AHI1: variants seen among roughly 807,000 people sequenced by gnomAD.
AHI1 encodes the protein jouberin.
A neutral mutation model predicts 149.3 loss-of-function variants in AHI1; 123 were observed. The ratio of observed to expected loss-of-function variants is 0.82; its 90% confidence interval spans 0.71 to 0.96. AHI1 has a LOEUF of 0.96. Among genes scored for constraint, AHI1 ranks in the 40% least tolerant of loss-of-function variants. The pLI, the probability that AHI1 is intolerant of heterozygous loss-of-function variation, is 0.00. For missense variants in AHI1, 1,439 were observed against 1,422.7 expected (o/e 1.01, Z -0.18); for synonymous variants, 475 against 459.8 (o/e 1.03, Z -0.42).
At chr6:135,330,667 G>T (rs1186244760) in intron 24 of AHI1, among the ~76,000 whole-genome samples, 1 of 152,188 alleles carries the variant, frequency 6.6e-6, no homozygotes, top group Non-Finnish European at 1.5e-5. Flanking sequence ...AATCAGGGTG[G>T]TTTCACATGC....
Position 135,322,082 on chromosome 6 carries a change from C to T in AHI1, c.3328+1080G>A, listed in dbSNP as rs377384623. 2.6e-5 allele frequency among the ~76,000 whole-genome samples: 4 copies of T among 152,180 alleles called. No individual in the cohort carries two copies. In the East Asian group the frequency reaches 5.8e-4, roughly 22 times the overall value. On this transcript the variant is annotated intron_variant, in intron 25 of 28. Coordinates refer to ENST00000265602, the MANE Select transcript of AHI1 (RefSeq NM_001134831.2). ...CCTCCCAAAGTGCTGGGATTACAGG[C>T]GTGAGCCACAGTGCCTGGCCCGCCT...
chr6:135,374,259 C>T, intron 23 of AHI1, among the ~76,000 whole-genome samples: 1 of 150,938 alleles, frequency 6.6e-6, no homozygotes, highest in Non-Finnish European at 1.5e-5. Flanking sequence ...ACTACAGGTG[C>T]CCGCCATCAC....
chr6:135,448,468 C>A lies in AHI1; in HGVS notation c.1448G>T (p.Gly483Val). 1 of 1,488,170 alleles carries A rather than the reference C, an allele frequency of 6.7e-7. No individual in the cohort carries two copies. 92.2% of individuals were successfully genotyped at this position (1,488,170 alleles called of 1,614,324 possible). A position where few individuals can be genotyped will look rare whatever the true frequency, so the allele number is the denominator to read the frequency against. The change falls in exon 12 of 29, where the codon GGA becomes GTA. Residue 483 changes from glycine (G) to valine (V), a missense_variant. Gly to Val is a moderately radical substitution (Grantham distance 109). Transcript: ENST00000265602. ...KIAWAFLKLL[G>V]ANGNANINSK... Reference sequence around the variant, plus strand: ...GTTGATGTTTGCATTTCCATTGGCTCCCAGAAGCTTAAAATAAGAATTCAT... The same window carrying A: ...GTTGATGTTTGCATTTCCATTGGCTACCAGAAGCTTAAAATAAGAATTCAT...
Position 135,285,399 on chromosome 6 carries a change from A to G in AHI1, c.*246T>C, listed in dbSNP as rs1781561968. ...TAATTATGATGCAATTACTAACAAT[A>G]TAAGTACCAATACTTTGACCAACAA... On this transcript the variant is annotated 3_prime_UTR_variant, in exon 29 of 29. Transcript: ENST00000265602. 1 of 554,316 alleles carries G rather than the reference A, an allele frequency of 1.8e-6. No homozygotes were observed. The allele number at this position is 554,316 out of a possible 1,614,324, so 34.3% of individuals were successfully genotyped here.
chr6:135,414,467 G>A (rs1332605341), intron 20 of AHI1, among the ~76,000 whole-genome samples: 1 of 152,130 alleles, frequency 6.6e-6, no homozygotes, highest in Non-Finnish European at 1.5e-5. Flanking sequence ...TCAAACTTCT[G>A]TTCTTTAAAC....
chr6:135,396,060 G>C (rs764997697), intron 22 of AHI1, among the ~76,000 whole-genome samples: 1 of 151,018 alleles, frequency 6.6e-6, no homozygotes, highest in Non-Finnish European at 1.5e-5. Context: ...TCTTAGTTTA[G>C]GTTTTTCTCT....
intron 23 of AHI1, among the ~76,000 whole-genome samples, chr6:135,376,030 A>G (rs1458033540): frequency 6.6e-6 from 1 of 152,060 alleles, no homozygotes; most frequent in Non-Finnish European, 1.5e-5. Flanking sequence ...AAATGTTAGA[A>G]AAGTAGTACA....
intron 13 of AHI1, among the ~76,000 whole-genome samples, chr6:135,446,219 C>A (rs1263475658): frequency 6.6e-6 from 1 of 152,136 alleles, no homozygotes; most frequent in African/African-American, 2.4e-5. Context: ...CCTAACACCT[C>A]AGAATGTAAC....
At chr6:135,370,480 T>C (rs1196167018) in intron 23 of AHI1, among the ~76,000 whole-genome samples, 2 of 152,224 alleles carry the variant, frequency 1.3e-5, no homozygotes, top group Non-Finnish European at 2.9e-5. Flanking sequence ...CCAGTCCACA[T>C]AGTCCTTAGA....
intron 24 of AHI1, among the ~76,000 whole-genome samples, chr6:135,334,538 G>A (rs1175092738): frequency 1.3e-5 from 2 of 152,242 alleles, no homozygotes; most frequent in South Asian, 4.1e-4. Context: ...AAGACAATTG[G>A]TATGAATTAA....
At chr6:135,301,261 C>A (rs1783847045) in intron 26 of AHI1, 1 of 983,726 alleles carries the variant, frequency 1.0e-6, no homozygotes, top group Non-Finnish European at 1.2e-6. Flanking sequence ...GGAAAGGATT[C>A]GTTTAACACT....
chr6:135,353,574 C>T (rs1320184875), intron 24 of AHI1, among the ~76,000 whole-genome samples: 1 of 151,994 alleles, frequency 6.6e-6, no homozygotes, highest in Non-Finnish European at 1.5e-5. Flanking sequence ...AAGTATAATA[C>T]TGCAATAGGT....
chr6:135,343,364 T>C (rs530566876), intron 24 of AHI1, among the ~76,000 whole-genome samples: 1 of 151,910 alleles, frequency 6.6e-6, no homozygotes, highest in African/African-American at 2.4e-5. Context: ...GCAATTCCCA[T>C]AAAAAATTTT....
chr6:135,453,392 C>A lies in AHI1; in HGVS notation c.1389G>T (p.Glu463Asp). The change falls in exon 11 of 29, where the codon GAG (glutamate) becomes GAT (aspartate). Residue 463 changes from glutamate to aspartate, a missense_variant. Glu to Asp is a conservative substitution (Grantham distance 45, BLOSUM62 2). Transcript: ENST00000265602. The stretch of plus-strand genomic sequence containing the variant: ...GAAAGCCACATTCTTGGTTTTGAAC[C>A]TCAGAATTATTCTTAATTTCATCCA... ...LSVDEIKNNS[E>D]VQNQECGFRK... 6.4e-7 allele frequency: 1 copy of A among 1,561,480 alleles called. No individual in the cohort carries two copies. Among genetic ancestry groups the A allele is most frequent in the Non-Finnish European group, 8.7e-7 (1 of 1,151,480 alleles).
chr6:135,340,199 G>A (rs1333377994), intron 24 of AHI1, among the ~76,000 whole-genome samples: 2 of 152,056 alleles, frequency 1.3e-5, no homozygotes, highest in Non-Finnish European at 2.9e-5. Flanking sequence ...GTGAAACCCT[G>A]TATCTACTAA....
chr6:135,415,832 G>A (rs1377656976), intron 20 of AHI1, among the ~76,000 whole-genome samples: 1 of 152,016 alleles, frequency 6.6e-6, no homozygotes, highest in African/African-American at 2.4e-5. Context: ...ACAATATAAA[G>A]AATAAACTAC....
Position 135,356,089 on chromosome 6 carries a change from G to A in AHI1, c.3165+2043C>T, listed in dbSNP as rs573787722. Among the ~76,000 whole-genome samples the A allele has an allele frequency of 6.6e-5, 10 of 152,288 alleles. No individual in the cohort carries two copies. The South Asian group carries it at 2.1e-3, about 32-fold the overall frequency. On this transcript the variant is annotated intron_variant, in intron 24 of 28. Transcript: ENST00000265602. Reference sequence around the variant, plus strand: ...ATGAAAATGGGTAAAGAAGTAAGCTGGGAATTGAGGGTTAGGTCTGGGGTC... The same window carrying A: ...ATGAAAATGGGTAAAGAAGTAAGCTAGGAATTGAGGGTTAGGTCTGGGGTC...
intron 20 of AHI1, among the ~76,000 whole-genome samples, chr6:135,424,095 G>A (rs1318460867): frequency 6.6e-6 from 1 of 151,718 alleles, no homozygotes; most frequent in African/African-American, 2.4e-5. Context: ...CTGTACTGTA[G>A]AAAAAACAAG....
Position 135,355,629 on chromosome 6 carries a change from G to A in AHI1, c.3165+2503C>T, listed in dbSNP as rs535424684. Reference sequence around the variant, plus strand: ...GTTAAGAAACATATCGGCTGGGCGCGGTGGCTCATGCCTGTAATCCCAGCA... The same window carrying A: ...GTTAAGAAACATATCGGCTGGGCGCAGTGGCTCATGCCTGTAATCCCAGCA... On this transcript the variant is annotated intron_variant, in intron 24 of 28. Coordinates refer to ENST00000265602, the MANE Select transcript of AHI1 (RefSeq NM_001134831.2). Among the ~76,000 whole-genome samples the A allele has an allele frequency of 9.3e-4, 142 of 152,122 alleles. 1 individual carries two copies. Among genetic ancestry groups the A allele is most frequent in the South Asian group, 2.1e-3 (10 of 4,810 alleles).
Sources: gnomAD v4.1 joint callset for allele counts (sites outside exome capture counted in the v4.1 genomes callset) on GRCh38, gnomAD v4.1.1 for gene constraint, MANE v1.5 for transcripts, NCBI Gene and HGNC (gene_info 2026-07-23, HGNC 2026-07-21) for gene names.